Variants in DCT observed in about 807,000 individuals in gnomAD.
The protein encoded by DCT is dopachrome tautomerase, also known as L-dopachrome tautomerase.
In DCT, 47 loss-of-function variants were observed where a neutral mutation model predicts 53.0. The ratio of observed to expected loss-of-function variants is 0.89; its 90% CI spans 0.70 to 1.13. The LOEUF (loss-of-function observed/expected upper bound fraction) is 1.13, where lower values mean the gene tolerates loss of function less well. Ranked by LOEUF, DCT falls within the 50% of genes most tolerant of loss-of-function variation. DCT has a pLI of 0.00. For missense variants in DCT, 669 were observed against 637.4 expected (o/e 1.05, Z -0.53); for synonymous variants, 244 against 237.0 (o/e 1.03, Z -0.27).
At chr13:94,510,276 G>A in the DCT span, among the ~76,000 whole-genome samples, 1 of 152,170 alleles carries the variant, frequency 6.6e-6, no homozygotes, top group African/African-American at 2.4e-5. Context: ...GGACTAGGGT[G>A]CATCATGGGT....
At chr13:94,462,328 C>T (rs1228753374) in intron 4 of DCT, 139 bp from the exon 5 acceptor site, 21 of 650,016 alleles carry the variant, frequency 3.2e-5, no homozygotes, top group Non-Finnish European at 4.0e-5. Flanking sequence ...GGCAAAGCCC[C>T]GGCTCTACTA....
At chr13:94,525,925 G>A in the DCT span, among the ~76,000 whole-genome samples, 1 of 152,226 alleles carries the variant, frequency 6.6e-6, no homozygotes, top group Non-Finnish European at 1.5e-5. Context: ...TGGTTTGGCT[G>A]CATACACGTG....
At chr13:94,477,130 C>T (rs564756106) in intron 1 of DCT, among the ~76,000 whole-genome samples, 1 of 152,110 alleles carries the variant, frequency 6.6e-6, no homozygotes, top group Non-Finnish European at 1.5e-5. Flanking sequence ...AGATCTCACT[C>T]TGTCACCCAG....
At chr13:94,472,509 T>TATAC (rs566982525) in intron 1 of DCT, among the ~76,000 whole-genome samples, 2 of 45,930 alleles carry the variant, frequency 4.4e-5, no homozygotes, top group Admixed American at 2.2e-4. Flanking sequence ...GAGTTAAATA[T>TATAC]ATACATACAT....
At chr13:94,488,874 ACACACACAAACAC>A in the DCT span, among the ~76,000 whole-genome samples, 1 of 149,862 alleles carries the variant, frequency 6.7e-6, no homozygotes, top group South Asian at 2.1e-4. Flanking sequence ...ACACACACAT[ACACACACAAACAC>A]ACATATATAT....
the DCT span, among the ~76,000 whole-genome samples, chr13:94,538,752 G>A: frequency 4.6e-5 from 7 of 152,142 alleles, no homozygotes; most frequent in Non-Finnish European, 1.0e-4. Context: ...CTCTCTTGTT[G>A]CAGTTTCTCT....
chr13:94,495,087 C>T, the DCT span, among the ~76,000 whole-genome samples: 1 of 152,158 alleles, frequency 6.6e-6, no homozygotes, highest in Non-Finnish European at 1.5e-5. Flanking sequence ...TGTTCAACTA[C>T]ATGCTTATTT....
At chr13:94,455,381 TAGAGAGAGAG>T (rs56301019) in intron 6 of DCT, among the ~76,000 whole-genome samples, 109 of 141,760 alleles carry the variant, frequency 7.7e-4, no homozygotes, top group Admixed American at 4.0e-3. Context: ...GACTGTCTCT[TAGAGAGAGAG>T]AGAGAGAGAG....
the DCT span, among the ~76,000 whole-genome samples, chr13:94,524,875 G>A: frequency 1.1e-4 from 16 of 152,128 alleles, no homozygotes; most frequent in Admixed American, 6.6e-4. Context: ...AATATGATCC[G>A]TACCCATTAT....
chr13:94,449,517 T>C (rs888841945), intron 6 of DCT, among the ~76,000 whole-genome samples: 2 of 152,218 alleles, frequency 1.3e-5, no homozygotes, highest in Admixed American at 6.5e-5. Context: ...TGTGGTGACA[T>C]GCTATTGCTC....
intron 6 of DCT, among the ~76,000 whole-genome samples, chr13:94,446,559 G>A (rs1166193588): frequency 6.6e-6 from 1 of 152,180 alleles, no homozygotes; most frequent in African/African-American, 2.4e-5. Flanking sequence ...GCCTGATTTG[G>A]TGGATATTAT....
Position 94,465,745 on chromosome 13 carries a change from T to C in DCT, c.751A>G (p.Arg251Gly), listed in dbSNP as rs1226155826. The change falls in exon 4 of 8, where the codon AGG becomes GGG. Residue 251 changes from arginine (R) to glycine (G), a missense_variant. Physicochemically the swap from Arg to Gly is moderately radical, Grantham distance 125 (BLOSUM62 -2). Transcript: ENST00000377028. ...TCTGTACACACATCACACTCGTTCCTCCCAGTGGCAAAGTTCCAGTAGGGC... is the reference window on the plus strand; with the variant it reads ...TCTGTACACACATCACACTCGTTCCCCCCAGTGGCAAAGTTCCAGTAGGGC... ...ALPYWNFATG[R>G]NECDVCTDQL... The C allele has an allele frequency of 6.2e-7, 1 of 1,612,646 alleles. No individual in the cohort carries two copies. The highest frequency in any genetic ancestry group is 1.7e-5 in the Admixed American group (1 of 59,896).
the DCT span, among the ~76,000 whole-genome samples, chr13:94,507,869 T>G: frequency 6.6e-6 from 1 of 152,210 alleles, no homozygotes; most frequent in Non-Finnish European, 1.5e-5. Context: ...ACTTCTAACT[T>G]TATAGAGTCA....
chr13:94,546,681 C>T, the DCT span, among the ~76,000 whole-genome samples: 1 of 152,164 alleles, frequency 6.6e-6, no homozygotes, highest in East Asian at 1.9e-4. The surrounding 1 kb of genome is among the most constrained non-coding windows in gnomAD (Gnocchi z 4.2). Flanking sequence ...TTCCCTAAAA[C>T]GGTAATTGGT....
the DCT span, among the ~76,000 whole-genome samples, chr13:94,507,569 T>C: frequency 6.6e-6 from 1 of 151,784 alleles, no homozygotes; most frequent in Non-Finnish European, 1.5e-5. Flanking sequence ...GGCATGGTCT[T>C]GGCTCACTGC....
chr13:94,489,260 T>C, the DCT span, among the ~76,000 whole-genome samples: 1 of 152,144 alleles, frequency 6.6e-6, no homozygotes, highest in African/African-American at 2.4e-5. Context: ...TGACATTACA[T>C]AAAGGAGGAG....
intron 6 of DCT, chr13:94,452,649 C>T (rs369353671): frequency 7.9e-5 from 60 of 759,126 alleles, no homozygotes; most frequent in Middle Eastern, 2.6e-4. Flanking sequence ...GTAAAGCAAA[C>T]GATTAGAAAT....
the DCT span, among the ~76,000 whole-genome samples, chr13:94,542,546 G>A: frequency 2.6e-5 from 4 of 152,128 alleles, no homozygotes; most frequent in Non-Finnish European, 5.9e-5. Flanking sequence ...AGGCCACTGA[G>A]GATGGAATGG....
rs556695119 is a variant in DCT at position 94,477,721 on chromosome 13, G to C, written c.295+1240C>G. Among the ~76,000 whole-genome samples the C allele has an allele frequency of 3.9e-5, 6 of 152,058 alleles. No individual in the cohort carries two copies. The East Asian group carries it at 9.6e-4, about 24-fold the overall frequency. On this transcript the variant is annotated intron_variant, in intron 1 of 7. Transcript: ENST00000377028. ...TCACAGGCCTTTGTATGTTCCCTTA[G>C]TAATACCTATTCAACCCCTTATGAA...
Sources: allele counts gnomAD v4.1 joint callset (sites outside exome capture counted in the v4.1 genomes callset), GRCh38; gene constraint gnomAD v4.1.1; non-coding constraint Gnocchi (gnomAD v3.1); transcripts MANE v1.5; gene names NCBI Gene and HGNC (gene_info 2026-07-23, HGNC 2026-07-21).